Variants in LRMDA observed in about 807,000 individuals in gnomAD.
LRMDA encodes leucine-rich melanocyte differentiation-associated protein.
A neutral mutation model predicts 29.8 loss-of-function variants in LRMDA; 18 were observed. The observed-to-expected ratio is 0.60, with a 90% CI of 0.42 to 0.90. The LOEUF is 0.90. LRMDA is among the 40% of genes least tolerant of loss of function. The pLI is 0.00. For synonymous variants in LRMDA, 125 were observed against 109.4 expected, an observed-to-expected ratio of 1.14 and a Z score of -0.89; for missense variants, 273 against 273.9, an observed-to-expected ratio of 1.00 and a Z score of 0.02.
At position 76,512,995 on chromosome 10, in the gene LRMDA, G is replaced by A. The variant is rs190737643; in HGVS notation, c.602-44214G>A. Among the ~76,000 whole-genome samples, 19 of 152,252 alleles carry A rather than the reference G, an allele frequency of 1.2e-4. No homozygotes were observed. In the East Asian group the frequency reaches 3.5e-3, roughly 28 times the overall value. ...TAAGGCCATGGAGAATTTAGAGAAG[G>A]AAAGTGTACCAGTAGTCAAGGTGAG... On this transcript the variant is annotated intron_variant, in intron 6 of 6. Coordinates refer to ENST00000611255, the MANE Select transcript of LRMDA (RefSeq NM_001305581.2).
chr10:75,841,688 C>A (rs1844544027), intron 2 of LRMDA, among the ~76,000 whole-genome samples: 2 of 152,194 alleles, frequency 1.3e-5, no homozygotes, highest in African/African-American at 4.8e-5. Context: ...CAGTGTTATG[C>A]CAAGAGGAAA....
chr10:75,481,740 C>A (rs979205612), intron 2 of LRMDA, among the ~76,000 whole-genome samples: 4 of 152,124 alleles, frequency 2.6e-5, no homozygotes, highest in African/African-American at 9.7e-5. Flanking sequence ...CATGGTTCTG[C>A]TTCCTTATCT....
intron 2 of LRMDA, among the ~76,000 whole-genome samples, chr10:75,693,643 A>C (rs1405883842): frequency 6.6e-6 from 1 of 152,218 alleles, no homozygotes; most frequent in East Asian, 1.9e-4. Flanking sequence ...GTCAGCGCTT[A>C]ACTGGGACTG....
intron 6 of LRMDA, among the ~76,000 whole-genome samples, chr10:76,540,558 C>T (rs769152515): frequency 5.9e-5 from 9 of 152,164 alleles, no homozygotes; most frequent in Non-Finnish European, 1.0e-4. Context: ...CCCACCCCAT[C>T]GTCGGTGGAA....
chr10:76,073,454 C>G (rs989261839), intron 5 of LRMDA, among the ~76,000 whole-genome samples: 7 of 152,170 alleles, frequency 4.6e-5, no homozygotes, highest in Non-Finnish European at 1.0e-4. Context: ...GTATAATTCT[C>G]TATCAAGTTG....
At chr10:76,045,071 A>T (rs1434813181) in intron 3 of LRMDA, among the ~76,000 whole-genome samples, 4 of 111,538 alleles carry the variant, frequency 3.6e-5, no homozygotes, top group Admixed American at 1.1e-4. Flanking sequence ...CTCCTTTGTT[A>T]GTTTCCCCCT....
Position 75,955,430 on chromosome 10 carries a change from A to G in LRMDA, c.132-80578A>G, listed in dbSNP as rs553665587. 5.3e-4 allele frequency among the ~76,000 whole-genome samples: 80 copies of G among 152,182 alleles called. 1 individual carries two copies. The highest frequency in any genetic ancestry group is 9.8e-4 in the Non-Finnish European group (67 of 68,036). On this transcript the variant is annotated intron_variant, in intron 2 of 6. Transcript: ENST00000611255. ...ACATGAGTTGGTTGGGAGGTGAGGC[A>G]TTGAGACCATGAGTGGTTGGGGTAG...
At chr10:76,123,614 G>A (rs1362394934) in intron 5 of LRMDA, among the ~76,000 whole-genome samples, 3 of 152,236 alleles carry the variant, frequency 2.0e-5, no homozygotes, top group Admixed American at 6.5e-5. Context: ...TGTTGTTAGT[G>A]TTCTTCCAGT....
intron 5 of LRMDA, among the ~76,000 whole-genome samples, chr10:76,300,071 G>C (rs1430219973): frequency 6.6e-6 from 1 of 152,086 alleles, no homozygotes; most frequent in Non-Finnish European, 1.5e-5. Flanking sequence ...CCTTGTATAG[G>C]GGCAGATATA....
In LRMDA at chr10:75,835,031, A is replaced by G. The variant is rs76757753; in HGVS notation, c.132-200977A>G. On this transcript the variant is annotated intron_variant, in intron 2 of 6. Transcript: ENST00000611255. The stretch of plus-strand genomic sequence containing the variant: ...TGTTTTAGATATTTGTTACAGCAGC[A>G]CTCTATTTATAAGTGTAAAATCTGT... Among the ~76,000 whole-genome samples, 138 of 152,248 alleles carry G rather than the reference A, an allele frequency of 9.1e-4. 1 individual carries two copies. Among genetic ancestry groups the G allele is most frequent in the African/African-American group, 3.2e-3 (131 of 41,542 alleles).
At chr10:76,078,692 C>T (rs1191063095) in intron 5 of LRMDA, among the ~76,000 whole-genome samples, 2 of 151,924 alleles carry the variant, frequency 1.3e-5, no homozygotes, top group South Asian at 2.1e-4. Flanking sequence ...AAAAATTAGC[C>T]GGACATGGTG....
At chr10:76,452,308 G>T (rs1029159389) in intron 6 of LRMDA, among the ~76,000 whole-genome samples, 98 of 152,112 alleles carry the variant, frequency 6.4e-4, no homozygotes, top group African/African-American at 2.2e-3. Context: ...ATTGCAGCAG[G>T]GATGTGGGAA....
intron 2 of LRMDA, among the ~76,000 whole-genome samples, chr10:75,950,147 T>C (rs1475516017): frequency 6.6e-6 from 1 of 152,070 alleles, no homozygotes; most frequent in Non-Finnish European, 1.5e-5. Flanking sequence ...GAGGCTGGGG[T>C]CACCCCCCTT....
At chr10:75,436,829 C>T (rs1242969357) in intron 1 of LRMDA, among the ~76,000 whole-genome samples, 10 of 152,254 alleles carry the variant, frequency 6.6e-5, no homozygotes, top group African/African-American at 2.4e-4. Context: ...TAGAATAGGG[C>T]CTTATAGCCA....
chr10:75,458,238 A>T (rs2132036359), intron 2 of LRMDA, among the ~76,000 whole-genome samples: 1 of 152,236 alleles, frequency 6.6e-6, no homozygotes, highest in East Asian at 1.9e-4. Flanking sequence ...TTCATTTTTG[A>T]TTCTTTTGAC....
At chr10:76,407,889 G>A (rs917235959) in intron 6 of LRMDA, among the ~76,000 whole-genome samples, 5 of 152,158 alleles carry the variant, frequency 3.3e-5, no homozygotes, top group Non-Finnish European at 5.9e-5. Context: ...AAGAAGGGCA[G>A]TATGTTAAAC....
chr10:76,395,447 A>G (rs2132489143), intron 6 of LRMDA, among the ~76,000 whole-genome samples: 1 of 152,320 alleles, frequency 6.6e-6, no homozygotes. Context: ...ATGGAAATGA[A>G]ACGCAGACTT....
At chr10:76,057,201 C>A (rs1363436532) in intron 4 of LRMDA, among the ~76,000 whole-genome samples, 1 of 152,168 alleles carries the variant, frequency 6.6e-6, no homozygotes, top group Non-Finnish European at 1.5e-5. Flanking sequence ...GCTCTGTGCT[C>A]CCATAACCAC....
At chr10:76,475,500 A>G (rs149689943) in intron 6 of LRMDA, among the ~76,000 whole-genome samples, 104 of 152,164 alleles carry the variant, frequency 6.8e-4, no homozygotes, top group African/African-American at 2.5e-3. Context: ...TGAGACAGAA[A>G]GTTAACAAGG....
Sources: gnomAD v4.1 joint callset for allele counts (sites outside exome capture counted in the v4.1 genomes callset) on GRCh38, gnomAD v4.1.1 for gene constraint, MANE v1.5 for transcripts, NCBI Gene and HGNC (gene_info 2026-07-23, HGNC 2026-07-21) for gene names.